TAF3: variants seen among roughly 807,000 people sequenced by gnomAD.
TAF3 encodes the protein TATA-box binding protein associated factor 3.
In TAF3, 7 loss-of-function variants were observed where a neutral mutation model predicts 80.6. The ratio of observed to expected loss-of-function variants is 0.09; its 90% CI spans 0.05 to 0.16. The LOEUF is 0.16. TAF3 is among the 10% of genes least tolerant of loss of function. TAF3 has a pLI of 1.00. For missense variants in TAF3, 921 were observed against 1,140.2 expected, an observed-to-expected ratio of 0.81 and a Z score of 2.77; for synonymous variants, 444 against 446.1, an observed-to-expected ratio of 1.00 and a Z score of 0.06.
At chr10:7,838,745 G>T (rs896299730) in intron 2 of TAF3, among the ~76,000 whole-genome samples, 1 of 151,962 alleles carries the variant, frequency 6.6e-6, no homozygotes, top group African/African-American at 2.4e-5. Flanking sequence ...AACATCCGAC[G>T]CTATAAGCCT....
intron 2 of TAF3, among the ~76,000 whole-genome samples, chr10:7,865,292 C>T (rs942948993): frequency 1.4e-4 from 21 of 152,036 alleles, no homozygotes; most frequent in African/African-American, 4.3e-4. Context: ...ACAGTGAAAC[C>T]CTGTAGAGAC....
chr10:7,906,615 T>C (rs1428196489), intron 2 of TAF3, among the ~76,000 whole-genome samples: 1 of 152,094 alleles, frequency 6.6e-6, no homozygotes, highest in African/African-American at 2.4e-5. Flanking sequence ...TGACAAAGGC[T>C]CCTTATACTT....
At chr10:7,845,411 A>G (rs1836960340) in intron 2 of TAF3, among the ~76,000 whole-genome samples, 1 of 152,170 alleles carries the variant, frequency 6.6e-6, no homozygotes, top group Non-Finnish European at 1.5e-5. Context: ...GTCACTTACT[A>G]TATGCTAGTC....
In TAF3 at chr10:7,838,206, T is replaced by C. The variant is rs1259160676; in HGVS notation, c.409+13646T>C. Among the ~76,000 whole-genome samples the C allele has an allele frequency of 2.0e-5, 3 of 152,194 alleles. No individual in the cohort carries two copies. The East Asian group carries it at 5.8e-4, about 29-fold the overall frequency. On this transcript the variant is annotated intron_variant, in intron 2 of 6. Coordinates refer to ENST00000344293, the MANE Select transcript of TAF3 (RefSeq NM_031923.4). ...GTGCTGTGTGTATGGGTACCTGCCA[T>C]GAGTCGGATCCTACACAAGGAACTG...
At chr10:7,935,671 A>AG (rs1837912200) in intron 2 of TAF3, among the ~76,000 whole-genome samples, 1 of 152,164 alleles carries the variant, frequency 6.6e-6, no homozygotes, top group African/African-American at 2.4e-5. Context: ...TATTCAGGGA[A>AG]GGGGGCTCTG....
intron 2 of TAF3, among the ~76,000 whole-genome samples, chr10:7,879,126 TTAA>T (rs1837336795): frequency 6.6e-6 from 1 of 152,218 alleles, no homozygotes; most frequent in South Asian, 2.1e-4. Context: ...TATGAAATGT[TTAA>T]TATGGCCATG....
chr10:7,891,342 G>A (rs1837455707), intron 2 of TAF3, among the ~76,000 whole-genome samples: 1 of 152,140 alleles, frequency 6.6e-6, no homozygotes, highest in Non-Finnish European at 1.5e-5. Context: ...ACAGATACAA[G>A]TTAAATTTTG....
At chr10:8,010,177 G>A (rs1832040777) in intron 5 of TAF3, among the ~76,000 whole-genome samples, 1 of 152,212 alleles carries the variant, frequency 6.6e-6, no homozygotes, top group Admixed American at 6.5e-5. Flanking sequence ...AACGTGCTGA[G>A]ATGACAGGCA....
chr10:7,996,842 A>AT (rs34866346), intron 4 of TAF3, among the ~76,000 whole-genome samples: 56,395 of 131,690 alleles, frequency 0.43, 12,044 homozygotes, highest in Non-Finnish European at 0.48. Flanking sequence ...ACCACACTCT[A>AT]TTTTTTTTTT....
chr10:7,913,892 G>C (rs1588549889), intron 2 of TAF3, among the ~76,000 whole-genome samples: 1 of 152,300 alleles, frequency 6.6e-6, no homozygotes, highest in Non-Finnish European at 1.5e-5. Flanking sequence ...AGTGATACAG[G>C]AGGAGGGAAA....
At chr10:7,888,002 A>G (rs1264751008) in intron 2 of TAF3, among the ~76,000 whole-genome samples, 1 of 152,122 alleles carries the variant, frequency 6.6e-6, no homozygotes, top group Admixed American at 6.5e-5. Flanking sequence ...CCCTGCCACC[A>G]CCGCCATTGT....
chr10:7,979,589 C>A (rs1385900378), intron 4 of TAF3, among the ~76,000 whole-genome samples: 1 of 152,040 alleles, frequency 6.6e-6, no homozygotes, highest in Non-Finnish European at 1.5e-5. Flanking sequence ...TATTATATAT[C>A]ATGTAAACTT....
chr10:7,994,512 T>C (rs1281876178), intron 4 of TAF3, among the ~76,000 whole-genome samples: 1 of 152,166 alleles, frequency 6.6e-6, no homozygotes, highest in Non-Finnish European at 1.5e-5. Context: ...TACGTATTTA[T>C]TTATTGTTAT....
chr10:7,873,950 C>A (rs11255421), intron 2 of TAF3, among the ~76,000 whole-genome samples: 30,214 of 152,024 alleles, frequency 0.2, 3,080 homozygotes, highest in Middle Eastern at 0.26. Context: ...CTGTGTTTCC[C>A]CTCGAGAGGC....
At chr10:8,001,899 T>C (rs972705746) in intron 4 of TAF3, among the ~76,000 whole-genome samples, 1 of 152,150 alleles carries the variant, frequency 6.6e-6, no homozygotes, top group Non-Finnish European at 1.5e-5. Flanking sequence ...AGCTTCAGTC[T>C]CTACCTCCAA....
At chr10:7,980,315 TTAAA>T (rs1202180567) in intron 4 of TAF3, among the ~76,000 whole-genome samples, 1 of 152,254 alleles carries the variant, frequency 6.6e-6, no homozygotes, top group Admixed American at 6.5e-5. Flanking sequence ...TTTCTGAGTC[TTAAA>T]TAAAGCAGTT....
chr10:7,948,202 A>G (rs2131401431), intron 2 of TAF3, among the ~76,000 whole-genome samples: 1 of 151,514 alleles, frequency 6.6e-6, no homozygotes, highest in East Asian at 2.0e-4. Flanking sequence ...AGCTGGGTCC[A>G]CAGGTGGGCA....
At chr10:7,905,691 C>T (rs1016156988) in intron 2 of TAF3, among the ~76,000 whole-genome samples, 1 of 152,024 alleles carries the variant, frequency 6.6e-6, no homozygotes, top group Non-Finnish European at 1.5e-5. Context: ...ACCAGCCTGG[C>T]CAACATAGTG....
chr10:8,013,967 T>A (rs750409856), intron 6 of TAF3, 130 bp downstream of exon 6: 8 of 698,464 alleles, frequency 1.1e-5, no homozygotes, highest in Non-Finnish European at 2.0e-5. Flanking sequence ...GTACATGGAG[T>A]CAAATCACTG....
Sources: gnomAD v4.1 joint callset for allele counts (sites outside exome capture counted in the v4.1 genomes callset) on GRCh38, gnomAD v4.1.1 for gene constraint, MANE v1.5 for transcripts, NCBI Gene and HGNC (gene_info 2026-07-23, HGNC 2026-07-21) for gene names.